The following RASGEF1A variants were observed in gnomAD, a reference collection of about 807,000 sequenced individuals.
RASGEF1A encodes RasGEF domain family member 1A, also known as ras-GEF domain-containing family member 1A.
In RASGEF1A, 18 loss-of-function variants were observed where a neutral mutation model predicts 56.4. That is an observed-to-expected ratio of 0.32 (90% CI 0.22 to 0.47). The LOEUF (loss-of-function observed/expected upper bound fraction) is 0.47, where lower values mean the gene tolerates loss of function less well. RASGEF1A is among the 20% of genes least tolerant of loss of function. RASGEF1A has a pLI of 1.00. For synonymous variants in RASGEF1A, 245 were observed against 242.6 expected (o/e 1.01, Z -0.09); for missense variants, 422 against 627.1 (o/e 0.67, Z 3.49).
In RASGEF1A at chr10:43,258,009, C is replaced by T. The variant is rs1836454322; in HGVS notation, c.-7+8836G>A. 2.0e-5 allele frequency among the ~76,000 whole-genome samples: 3 copies of T among 152,338 alleles called. No homozygotes were observed. The Middle Eastern group carries it at 0.01, about 518-fold the overall frequency. Reference sequence around the variant, plus strand: ...CCTCCAGTGTTACATTTACAGGAGGCTCAGAAAACAACTAGGCTGGGCAGG... The same window carrying T: ...CCTCCAGTGTTACATTTACAGGAGGTTCAGAAAACAACTAGGCTGGGCAGG... On this transcript the variant is annotated intron_variant, in intron 1 of 12. Transcript: ENST00000395810.
chr10:43,235,170 G>C (rs778608422), intron 1 of RASGEF1A, among the ~76,000 whole-genome samples: 1 of 152,184 alleles, frequency 6.6e-6, no homozygotes, highest in Non-Finnish European at 1.5e-5. Flanking sequence ...GGCATAAAGC[G>C]TGAAGGAGGG....
intron 1 of RASGEF1A, among the ~76,000 whole-genome samples, chr10:43,255,809 G>T (rs1337177505): frequency 6.6e-6 from 1 of 152,156 alleles, no homozygotes; most frequent in South Asian, 2.1e-4. Context: ...TGGGTGTGTG[G>T]CCATTCCTGG....
intron 1 of RASGEF1A, among the ~76,000 whole-genome samples, chr10:43,212,997 C>T (rs1246929568): frequency 6.6e-6 from 1 of 152,228 alleles, no homozygotes; most frequent in Non-Finnish European, 1.5e-5. Flanking sequence ...AAGCCAGGCA[C>T]AGCAAGACCA....
chr10:43,246,806 C>T (rs1249540307), intron 1 of RASGEF1A, among the ~76,000 whole-genome samples: 1 of 152,208 alleles, frequency 6.6e-6, no homozygotes, highest in Non-Finnish European at 1.5e-5. Context: ...AGACCTAAAA[C>T]TATAAAACTC....
At chr10:43,242,479 T>TA (rs575281196) in intron 1 of RASGEF1A, among the ~76,000 whole-genome samples, 2 of 151,428 alleles carry the variant, frequency 1.3e-5, no homozygotes, top group Admixed American at 6.6e-5. Context: ...GTAGGTCAGT[T>TA]AAAAAAAAAT....
At chr10:43,226,998 G>A (rs372486709) in intron 1 of RASGEF1A, among the ~76,000 whole-genome samples, 1 of 152,188 alleles carries the variant, frequency 6.6e-6, no homozygotes, top group African/African-American at 2.4e-5. Context: ...ACGGAGGTGG[G>A]GAACTAACTC....
At chr10:43,238,048 G>A (rs1840454002) in intron 1 of RASGEF1A, among the ~76,000 whole-genome samples, 1 of 138,662 alleles carries the variant, frequency 7.2e-6, no homozygotes, top group Non-Finnish European at 1.5e-5. Context: ...CCTGAGACCC[G>A]CCTTCAGGAG....
At chr10:43,261,911 T>C (rs947101805) in intron 1 of RASGEF1A, among the ~76,000 whole-genome samples, 3 of 152,226 alleles carry the variant, frequency 2.0e-5, no homozygotes, top group African/African-American at 7.2e-5. Context: ...ATCTGGACCT[T>C]GGAGTCTGCG....
intron 1 of RASGEF1A, among the ~76,000 whole-genome samples, chr10:43,218,767 A>G (rs1328079980): frequency 1.3e-5 from 2 of 152,268 alleles, no homozygotes; most frequent in East Asian, 3.8e-4. Context: ...TGCCATGGGA[A>G]CCAGCACGAC....
Position 43,209,018 on chromosome 10 carries a change from T to C in RASGEF1A, c.-6-2896A>G, listed in dbSNP as rs534173374. On this transcript the variant is annotated intron_variant, in intron 1 of 12. Transcript: ENST00000395810. ...ACCCCCACCCAGCCCTGAGGTCGCT[T>C]GTTCTTGCACCTGCTTCCTCCTTGC... 1.5e-5 allele frequency: 15 copies of C among 985,542 alleles called. No homozygotes were observed. The South Asian group carries it at 7.0e-4, about 46-fold the overall frequency. 61.0% of individuals were successfully genotyped at this position (985,542 alleles called of 1,614,324 possible).
chr10:43,234,449 G>A (rs1200680111), intron 1 of RASGEF1A, among the ~76,000 whole-genome samples: 1 of 152,140 alleles, frequency 6.6e-6, no homozygotes, highest in Non-Finnish European at 1.5e-5. Flanking sequence ...GCATCCACTG[G>A]TTTTGGAGGA....
At chr10:43,210,854 C>T (rs12773570) in intron 1 of RASGEF1A, among the ~76,000 whole-genome samples, 4,541 of 93,076 alleles carry the variant, frequency 0.049, 316 homozygotes, top group African/African-American at 0.14. Flanking sequence ...GAGCAGCAGC[C>T]CCTTGCAGGG....
chr10:43,222,836 G>T (rs1411600780), intron 1 of RASGEF1A, among the ~76,000 whole-genome samples: 1 of 152,182 alleles, frequency 6.6e-6, no homozygotes, highest in Non-Finnish European at 1.5e-5. Context: ...GAGGGAGGGG[G>T]ACAGCCTTGT....
rs532538125 is a variant in RASGEF1A at position 43,265,334 on chromosome 10, C to T, written c.-7+1511G>A. Among the ~76,000 whole-genome samples the T allele has an allele frequency of 5.3e-5, 8 of 152,332 alleles. No homozygotes were observed. In the South Asian group the frequency reaches 1.7e-3, roughly 32 times the overall value. ...GCACACCTGGGATACCTGCTTGGTT[C>T]ACAAACCCAGGGGCATGTGCAGGAG... On this transcript the variant is annotated intron_variant, in intron 1 of 12. Coordinates refer to ENST00000395810, the MANE Select transcript of RASGEF1A (RefSeq NM_145313.4).
At chr10:43,208,998 C>T in intron 1 of RASGEF1A, 1 of 985,558 alleles carries the variant, frequency 1.0e-6, no homozygotes, top group Non-Finnish European at 1.2e-6. Flanking sequence ...CGGCCACCCC[C>T]ACCCAGCCCT....
chr10:43,253,730 C>T (rs1840653125), intron 1 of RASGEF1A, among the ~76,000 whole-genome samples: 3 of 152,246 alleles, frequency 2.0e-5, no homozygotes, highest in Admixed American at 6.5e-5. Flanking sequence ...CCTGCGTGAC[C>T]ACGATTCTGC....
At chr10:43,247,464 T>C (rs943726760) in intron 1 of RASGEF1A, among the ~76,000 whole-genome samples, 2 of 152,234 alleles carry the variant, frequency 1.3e-5, no homozygotes, top group African/African-American at 4.8e-5. Context: ...GCACAAATGT[T>C]CACAGCAGCA....
chr10:43,262,609 G>A (rs1448015917), intron 1 of RASGEF1A, among the ~76,000 whole-genome samples: 2 of 152,260 alleles, frequency 1.3e-5, no homozygotes, highest in African/African-American at 4.8e-5. Flanking sequence ...ACTGTCTCGT[G>A]GCTGGGCTCC....
Position 43,252,009 on chromosome 10 carries a change from A to C in RASGEF1A, c.-7+14836T>G, listed in dbSNP as rs576393535. Among the ~76,000 whole-genome samples the C allele has an allele frequency of 3.9e-5, 6 of 152,326 alleles. No individual in the cohort carries two copies. In the East Asian group the frequency reaches 1.2e-3, roughly 29 times the overall value. On this transcript the variant is annotated intron_variant, in intron 1 of 12. Transcript: ENST00000395810. ...TGGATGGTAGCGGCACCCTGAGGAC[A>C]CACAGGGTGGTGTCGAGCTCCCACC...
Sources: allele counts gnomAD v4.1 joint callset (sites outside exome capture counted in the v4.1 genomes callset), GRCh38; gene constraint gnomAD v4.1.1; transcripts MANE v1.5; gene names NCBI Gene and HGNC (gene_info 2026-07-23, HGNC 2026-07-21).